TBC1D5: variants seen among roughly 807,000 people sequenced by gnomAD.
TBC1D5 encodes TBC1 domain family member 5, also known as TBC1 domain family, member 5.
TBC1D5 carries 75 observed loss-of-function variants against 100.3 expected under a neutral mutation model. The observed-to-expected ratio is 0.75, with a 90% CI of 0.62 to 0.91. The LOEUF (loss-of-function observed/expected upper bound fraction) is 0.91. TBC1D5 is among the 40% of genes least tolerant of loss of function. The probability of loss-of-function intolerance (pLI) is 0.00; values close to 1 mark genes in which losing one functional copy is unlikely to be tolerated. For synonymous variants in TBC1D5, 323 were observed against 325.6 expected (o/e 0.99, Z 0.09); for missense variants, 910 against 942.4 (o/e 0.97, Z 0.45).
intron 19 of TBC1D5, among the ~76,000 whole-genome samples, chr3:17,176,624 G>A (rs1428842750): frequency 6.6e-6 from 1 of 152,054 alleles, no homozygotes; most frequent in Admixed American, 6.5e-5. Context: ...CACAGGGAGG[G>A]GAACATCATA....
intron 13 of TBC1D5, among the ~76,000 whole-genome samples, chr3:17,320,269 G>A (rs1411129707): frequency 6.6e-6 from 1 of 152,208 alleles, no homozygotes; most frequent in Non-Finnish European, 1.5e-5. Flanking sequence ...TTTTCAAAGT[G>A]TGGTCTCTAA....
chr3:17,377,115 A>C (rs1241207511), intron 9 of TBC1D5, among the ~76,000 whole-genome samples: 1 of 152,136 alleles, frequency 6.6e-6, no homozygotes, highest in East Asian at 1.9e-4. Flanking sequence ...TTGGATAATA[A>C]AAGAAACAAC....
intron 3 of TBC1D5, among the ~76,000 whole-genome samples, chr3:17,468,504 T>A (rs1280799375): frequency 1.3e-5 from 2 of 152,200 alleles, no homozygotes; most frequent in Non-Finnish European, 2.9e-5. Flanking sequence ...TCCAAAGAAA[T>A]TACTGCTTTC....
intron 2 of TBC1D5, among the ~76,000 whole-genome samples, chr3:17,592,762 C>G (rs781026425): frequency 3.2e-4 from 48 of 152,138 alleles, no homozygotes; most frequent in Admixed American, 4.6e-4. Flanking sequence ...CTATTTGGAG[C>G]CTTTAGCAGG....
chr3:17,530,351 G>C (rs1234063351), intron 2 of TBC1D5, among the ~76,000 whole-genome samples: 1 of 152,072 alleles, frequency 6.6e-6, no homozygotes, highest in East Asian at 1.9e-4. Flanking sequence ...TGGGGGGTTG[G>C]GGGGTGGTTA....
intron 14 of TBC1D5, among the ~76,000 whole-genome samples, chr3:17,293,940 T>C (rs2082001993): frequency 6.6e-6 from 1 of 152,248 alleles, no homozygotes; most frequent in African/African-American, 2.4e-5. Context: ...CAATAATTGA[T>C]ACTTGGAGAA....
At chr3:17,161,289 A>G (rs1167758190) in intron 21 of TBC1D5, 33 bp from the exon 23 acceptor site, 2 of 1,570,776 alleles carry the variant, frequency 1.3e-6, no homozygotes, top group Non-Finnish European at 1.7e-6. Flanking sequence ...CAGGTGGATG[A>G]AAGAAGAAAC....
At chr3:17,311,086 G>A (rs542412340) in intron 13 of TBC1D5, among the ~76,000 whole-genome samples, 25 of 152,020 alleles carry the variant, frequency 1.6e-4, no homozygotes, top group African/African-American at 5.8e-4. Flanking sequence ...TATATTCTTG[G>A]AAAGAAAAAC....
intron 1 of TBC1D5, among the ~76,000 whole-genome samples, chr3:17,730,791 A>G (rs945154383): frequency 6.6e-6 from 1 of 152,158 alleles, no homozygotes; most frequent in South Asian, 2.1e-4. Context: ...GGTATTGGAC[A>G]TCTATTTTTA....
At chr3:17,545,101 T>G (rs2096401776) in intron 2 of TBC1D5, among the ~76,000 whole-genome samples, 1 of 152,194 alleles carries the variant, frequency 6.6e-6, no homozygotes, top group South Asian at 2.1e-4. Flanking sequence ...TTTTTTTTAT[T>G]TTTTAAAAAA....
chr3:17,663,393 T>C (rs767563581), intron 1 of TBC1D5, among the ~76,000 whole-genome samples: 6 of 151,662 alleles, frequency 4.0e-5, no homozygotes, highest in East Asian at 1.9e-4. Flanking sequence ...CTGATCTTAA[T>C]ATATAATATA....
intron 13 of TBC1D5, among the ~76,000 whole-genome samples, chr3:17,357,471 TA>T (rs1273576773): frequency 6.6e-6 from 1 of 152,154 alleles, no homozygotes; most frequent in Non-Finnish European, 1.5e-5. Flanking sequence ...ACTGTTGTCA[TA>T]AATACCAACC....
chr3:17,681,953 A>T (rs2069540465), intron 1 of TBC1D5, among the ~76,000 whole-genome samples: 1 of 151,564 alleles, frequency 6.6e-6, no homozygotes, highest in African/African-American at 2.4e-5. Flanking sequence ...CTGCGCATGC[A>T]AGGGAGCTAG....
chr3:17,574,552 C>T (rs2096645995), intron 2 of TBC1D5, among the ~76,000 whole-genome samples: 1 of 152,078 alleles, frequency 6.6e-6, no homozygotes, highest in South Asian at 2.1e-4. Flanking sequence ...GCAAAGAAGA[C>T]AGAATCCCTT....
chr3:17,417,452 T>C (rs1360873841), intron 4 of TBC1D5, among the ~76,000 whole-genome samples: 7 of 148,114 alleles, frequency 4.7e-5, no homozygotes, highest in Non-Finnish European at 1.5e-5. Flanking sequence ...TTTGGCTTTT[T>C]GTTCTTGCGA....
intron 15 of TBC1D5, among the ~76,000 whole-genome samples, chr3:17,273,015 T>C (rs1358856111): frequency 6.6e-6 from 1 of 152,160 alleles, no homozygotes; most frequent in Non-Finnish European, 1.5e-5. Flanking sequence ...TCTACAATCT[T>C]ATTGCTTGAC....
chr3:17,665,892 T>C (rs1334378642), intron 1 of TBC1D5, among the ~76,000 whole-genome samples: 1 of 152,186 alleles, frequency 6.6e-6, no homozygotes, highest in Non-Finnish European at 1.5e-5. Context: ...TATTTTAATA[T>C]AGAGGGTCTT....
intron 13 of TBC1D5, among the ~76,000 whole-genome samples, chr3:17,335,347 A>T (rs1273491970): frequency 2.0e-5 from 3 of 152,216 alleles, no homozygotes; most frequent in African/African-American, 7.2e-5. Flanking sequence ...TTTATAGGTG[A>T]CACCTTTGCA....
At chr3:17,330,869 C>A (rs548533163) in intron 13 of TBC1D5, among the ~76,000 whole-genome samples, 4 of 152,290 alleles carry the variant, frequency 2.6e-5, no homozygotes, top group African/African-American at 9.6e-5. Context: ...AAGCAAAAAT[C>A]TGAATCTACT....
Sources: gnomAD v4.1 joint callset for allele counts (sites outside exome capture counted in the v4.1 genomes callset) on GRCh38, gnomAD v4.1.1 for gene constraint, MANE v1.5 for transcripts, NCBI Gene and HGNC (gene_info 2026-07-23, HGNC 2026-07-21) for gene names.